Variants in CHRDL1 observed in about 807,000 individuals in gnomAD.
CHRDL1 encodes chordin-like protein 1.
Under a neutral mutation model 40.9 loss-of-function variants are expected in CHRDL1, and 19 were observed. The ratio of observed to expected loss-of-function variants is 0.46; its 90% confidence interval spans 0.32 to 0.68. CHRDL1 has a LOEUF of 0.68. CHRDL1 is among the 30% of genes least tolerant of loss of function. CHRDL1 has a pLI of 0.03. For synonymous variants in CHRDL1, 136 were observed against 123.4 expected, an observed-to-expected ratio of 1.10 and a Z score of -0.68; for missense variants, 329 against 352.1, an observed-to-expected ratio of 0.93 and a Z score of 0.53.
intron 4 of CHRDL1, among the ~76,000 whole-genome samples, chrX:110,729,159 G>A (rs1368002484): frequency 9.0e-6 from 1 of 111,327 alleles, no homozygotes; most frequent in Non-Finnish European, 1.9e-5. Context: ...AAGAGTGGGT[G>A]TCTGCAGCCT....
intron 4 of CHRDL1, among the ~76,000 whole-genome samples, chrX:110,743,361 C>T (rs2071394293): frequency 8.9e-6 from 1 of 112,106 alleles, no homozygotes; most frequent in African/African-American, 3.2e-5. Context: ...CTGAGCAGTT[C>T]CACACTTTCC....
chrX:110,682,879 A>G (rs1156260318), intron 9 of CHRDL1, among the ~76,000 whole-genome samples: 1 of 111,447 alleles, frequency 9.0e-6, no homozygotes, highest in Non-Finnish European at 1.9e-5. Context: ...TTAGCTATTT[A>G]TTTACTTGGT....
intron 8 of CHRDL1, among the ~76,000 whole-genome samples, chrX:110,691,067 C>T (rs763831066): frequency 3.8e-4 from 41 of 109,200 alleles, no homozygotes; most frequent in Middle Eastern, 4.6e-3. Context: ...ATACGAAAGT[C>T]GCCAGGTGTG....
chrX:110,705,281 C>CGA (rs2070600541), intron 6 of CHRDL1, among the ~76,000 whole-genome samples: 1 of 76,814 alleles, frequency 1.3e-5, no homozygotes, highest in African/African-American at 5.5e-5. Flanking sequence ...GTAATGGAGA[C>CGA]TATATATATA....
chrX:110,745,631 CCT>C (rs1158791833), intron 4 of CHRDL1, among the ~76,000 whole-genome samples: 1 of 111,937 alleles, frequency 8.9e-6, no homozygotes, highest in Non-Finnish European at 1.9e-5. Context: ...TATCTTCTCC[CCT>C]CTCTGCCTGC....
At chrX:110,785,119 A>G (rs988619548) in intron 2 of CHRDL1, among the ~76,000 whole-genome samples, 2 of 111,881 alleles carry the variant, frequency 1.8e-5, no homozygotes, top group African/African-American at 6.5e-5. Flanking sequence ...TTTGATCAGG[A>G]ATACTTTTGT....
intron 4 of CHRDL1, among the ~76,000 whole-genome samples, chrX:110,723,232 C>A (rs2070995638): frequency 9.0e-6 from 1 of 111,225 alleles, no homozygotes; most frequent in African/African-American, 3.3e-5. Context: ...GCCTGGGCGA[C>A]AGAGCGAGAC....
chrX:110,768,115 T>G (rs1336992660), intron 2 of CHRDL1, among the ~76,000 whole-genome samples: 2 of 112,024 alleles, frequency 1.8e-5, no homozygotes, highest in African/African-American at 6.5e-5. Flanking sequence ...ATGTCTGAAA[T>G]GTGGATGTAT....
chrX:110,772,542 G>A (rs138950017), intron 2 of CHRDL1, among the ~76,000 whole-genome samples: 2,730 of 112,394 alleles, frequency 0.024, 39 homozygotes, highest in Middle Eastern at 0.046. Context: ...AGGAGGCTGA[G>A]GCACGAGAAT....
At chrX:110,689,413 T>A (rs2070111433) in intron 8 of CHRDL1, among the ~76,000 whole-genome samples, 1 of 69,092 alleles carries the variant, frequency 1.4e-5, no homozygotes, top group South Asian at 5.0e-4. Flanking sequence ...TATCTATATA[T>A]CTATATATAT....
chrX:110,755,546 G>C (rs747292508), intron 4 of CHRDL1, among the ~76,000 whole-genome samples: 3 of 111,798 alleles, frequency 2.7e-5, no homozygotes, highest in Non-Finnish European at 5.6e-5. Flanking sequence ...AGCATGATAG[G>C]TAGGACACTT....
intron 4 of CHRDL1, among the ~76,000 whole-genome samples, chrX:110,736,399 A>G (rs1241106521): frequency 1.8e-5 from 2 of 112,248 alleles, no homozygotes; most frequent in Admixed American, 9.4e-5. Context: ...AAAAGTAAAA[A>G]TATGTCAAAT....
rs767304724 is a variant in CHRDL1 at position 110,688,773 on chromosome X, T to A, written c.809A>T (p.His270Leu). 4 of 1,206,689 alleles carry A rather than the reference T, an allele frequency of 3.3e-6. No homozygotes were observed. Among genetic ancestry groups the A allele is most frequent in the Non-Finnish European group, 4.5e-6 (4 of 891,952 alleles). The change falls in exon 9 of 12, where the codon CAT becomes CTT. Residue 270 changes from histidine to leucine, a missense_variant. Transcript: ENST00000372042. ...GAGGTTTGGGTGCCAGGACTCGCCA[T>A]GAGAATAGGTCTTTCCATTGGAAAC... The part of the protein sequence containing the change: ...VCVSNGKTYS[H>L]GESWHPNLRA...
intron 6 of CHRDL1, among the ~76,000 whole-genome samples, chrX:110,715,389 A>T (rs937020245): frequency 2.7e-5 from 3 of 111,475 alleles, no homozygotes; most frequent in African/African-American, 6.5e-5. Flanking sequence ...TATAGTAATT[A>T]CTATATAAAA....
chrX:110,704,113 T>C (rs185784966), intron 6 of CHRDL1, among the ~76,000 whole-genome samples: 63 of 111,222 alleles, frequency 5.7e-4, no homozygotes, highest in Non-Finnish European at 1.1e-3. Context: ...CATTTTAAAA[T>C]AACTTAAAGA....
At chrX:110,720,660 T>G (rs1303063680) in intron 5 of CHRDL1, among the ~76,000 whole-genome samples, 2 of 111,788 alleles carry the variant, frequency 1.8e-5, no homozygotes, top group Non-Finnish European at 3.8e-5. Flanking sequence ...GGGAAGAGAT[T>G]CTATAGCTTC....
intron 4 of CHRDL1, among the ~76,000 whole-genome samples, chrX:110,723,259 A>C (rs891581830): frequency 9.0e-6 from 1 of 111,303 alleles, no homozygotes; most frequent in Non-Finnish European, 1.9e-5. Context: ...TCAAAAAACA[A>C]ACAAACAGAC....
intron 2 of CHRDL1, among the ~76,000 whole-genome samples, chrX:110,776,001 T>C (rs2089846132): frequency 8.9e-6 from 1 of 111,744 alleles, no homozygotes; most frequent in Non-Finnish European, 1.9e-5. Context: ...AACAGATATG[T>C]TCTAACAGAA....
At chrX:110,716,671 A>G (rs1284742565) in intron 6 of CHRDL1, among the ~76,000 whole-genome samples, 1 of 111,171 alleles carries the variant, frequency 9.0e-6, no homozygotes, top group African/African-American at 3.3e-5. Flanking sequence ...GTGGGAAGGC[A>G]GAAAAGAAAG....
Sources: allele counts gnomAD v4.1 joint callset (sites outside exome capture counted in the v4.1 genomes callset), GRCh38; gene constraint gnomAD v4.1.1; transcripts MANE v1.5; gene names NCBI Gene and HGNC (gene_info 2026-07-23, HGNC 2026-07-21).